Variants in TMTC1 observed in about 807,000 individuals in gnomAD.
TMTC1 encodes protein O-mannosyl-transferase TMTC1.
In TMTC1, 73 loss-of-function variants were observed where a neutral mutation model predicts 104.8. That is an observed-to-expected ratio of 0.70 (90% confidence interval 0.58 to 0.85). The LOEUF (loss-of-function observed/expected upper bound fraction) is 0.85, where lower values mean the gene tolerates loss of function less well. Ranked by LOEUF, TMTC1 falls within the 40% of genes least tolerant of loss-of-function variation. The probability of loss-of-function intolerance (pLI) is 0.00; values close to 1 mark genes in which losing one functional copy is unlikely to be tolerated. For synonymous variants in TMTC1, 434 were observed against 428.7 expected, an observed-to-expected ratio of 1.01 and a Z score of -0.15; for missense variants, 1,035 against 1,096.1, an observed-to-expected ratio of 0.94 and a Z score of 0.79.
chr12:29,597,073 G>A (rs1314986546), intron 7 of TMTC1, among the ~76,000 whole-genome samples: 1 of 152,102 alleles, frequency 6.6e-6, no homozygotes, highest in Non-Finnish European at 1.5e-5. Context: ...TGCCTCTCTT[G>A]GCAAGCCATC....
At position 29,535,788 on chromosome 12, in the gene TMTC1, C is replaced by G. The variant is rs35205102; in HGVS notation, c.1785+421G>C. Reference sequence around the variant, plus strand: ...ATAAAAACTATTCTCTTAGGAGCCTCTCTCACGAGCCTCTGTAATATTCTA... The same window carrying G: ...ATAAAAACTATTCTCTTAGGAGCCTGTCTCACGAGCCTCTGTAATATTCTA... On this transcript the variant is annotated intron_variant, in intron 11 of 17. Coordinates refer to ENST00000539277, the MANE Select transcript of TMTC1 (RefSeq NM_001193451.2). The G allele has an allele frequency of 9.2e-3, 1,563 of 169,826 alleles. 18 individuals carry two copies. Among genetic ancestry groups the G allele is most frequent in the Admixed American group, 0.036 (559 of 15,446 alleles). The allele number at this position is 169,826 out of a possible 1,614,324, so 10.5% of individuals were successfully genotyped here.
chr12:29,513,246 A>C (rs1247742412), intron 16 of TMTC1, among the ~76,000 whole-genome samples: 5 of 152,162 alleles, frequency 3.3e-5, no homozygotes, highest in African/African-American at 1.2e-4. Context: ...ATTCTTGTGA[A>C]GATTAAGTTA....
intron 14 of TMTC1, 83 bp from the exon 15 acceptor site, chr12:29,516,569 C>G (rs184394053): frequency 2.2e-4 from 310 of 1,437,402 alleles, no homozygotes; most frequent in Non-Finnish European, 2.8e-4. Context: ...GCATTCAGAA[C>G]GCACTCCTGA....
At chr12:29,616,113 G>C (rs1481657741) in intron 6 of TMTC1, among the ~76,000 whole-genome samples, 1 of 152,178 alleles carries the variant, frequency 6.6e-6, no homozygotes, top group African/African-American at 2.4e-5. Flanking sequence ...AAGCCCCCCA[G>C]TAAAGAAATA....
chr12:29,542,459 G>A (rs1191861144), intron 10 of TMTC1, among the ~76,000 whole-genome samples: 2 of 152,186 alleles, frequency 1.3e-5, no homozygotes, highest in Non-Finnish European at 2.9e-5. Flanking sequence ...ACCAGCTGAC[G>A]ACTGATAATA....
chr12:29,707,663 T>C (rs1941784827), intron 5 of TMTC1, among the ~76,000 whole-genome samples: 1 of 152,226 alleles, frequency 6.6e-6, no homozygotes, highest in South Asian at 2.1e-4. Context: ...TGGGTTGGCC[T>C]CTGCACATGT....
chr12:29,641,158 C>G (rs1938830365), intron 5 of TMTC1: 1 of 152,290 alleles, frequency 6.6e-6, no homozygotes, highest in African/African-American at 2.4e-5. Context: ...CCCTACCCAT[C>G]CTGGTAGCAA....
chr12:29,704,686 G>A (rs1402184554), intron 5 of TMTC1, among the ~76,000 whole-genome samples: 1 of 152,194 alleles, frequency 6.6e-6, no homozygotes, highest in African/African-American at 2.4e-5. Context: ...AAAAGTGGAG[G>A]AAAATGAAGC....
intron 6 of TMTC1, among the ~76,000 whole-genome samples, chr12:29,624,655 T>TC (rs1374553957): frequency 3.3e-5 from 5 of 152,188 alleles, no homozygotes; most frequent in Non-Finnish European, 7.3e-5. Context: ...CCCTTGCACT[T>TC]CCTTCATGTC....
In TMTC1 at chr12:29,565,675, C is replaced by T. The variant is rs181544258; in HGVS notation, c.1532+6430G>A. Among the ~76,000 whole-genome samples the T allele has an allele frequency of 2.6e-3, 394 of 152,128 alleles. 1 individual carries two copies. Among genetic ancestry groups the T allele is most frequent in the Admixed American group, 8.6e-3 (132 of 15,284 alleles). ...CAGCCTGGCCAACATGGTGAAACCC[C>T]GCCTCTACTAAAAATTCCAAAATTA... On this transcript the variant is annotated intron_variant, in intron 9 of 17. Coordinates refer to ENST00000539277, the MANE Select transcript of TMTC1 (RefSeq NM_001193451.2).
intron 5 of TMTC1, among the ~76,000 whole-genome samples, chr12:29,747,917 ACT>A (rs1942995545): frequency 6.6e-6 from 1 of 152,020 alleles, no homozygotes; most frequent in Non-Finnish European, 1.5e-5. Context: ...TGATTTAAAC[ACT>A]CTGTCTGCAG....
chr12:29,579,542 T>C (rs771560876), intron 8 of TMTC1, among the ~76,000 whole-genome samples: 7 of 152,196 alleles, frequency 4.6e-5, no homozygotes, highest in African/African-American at 9.7e-5. Flanking sequence ...GGTCTGTGGA[T>C]CACTTAAACA....
At chr12:29,713,220 T>C (rs559760857) in intron 5 of TMTC1, among the ~76,000 whole-genome samples, 1 of 151,864 alleles carries the variant, frequency 6.6e-6, no homozygotes, top group Admixed American at 6.6e-5. Context: ...AGCCTGCAAG[T>C]CTGCCCTGCA....
chr12:29,647,841 T>C (rs1292895242), intron 5 of TMTC1, among the ~76,000 whole-genome samples: 1 of 152,208 alleles, frequency 6.6e-6, no homozygotes, highest in African/African-American at 2.4e-5. Flanking sequence ...CTTTCTGGAT[T>C]TGAAAGACAA....
chr12:29,746,635 C>A (rs962963921), intron 5 of TMTC1, among the ~76,000 whole-genome samples: 1 of 152,170 alleles, frequency 6.6e-6, no homozygotes, highest in East Asian at 1.9e-4. Context: ...CCCATTTTAT[C>A]ATTGAAGGTC....
At chr12:29,542,523 C>T (rs1430753969) in intron 10 of TMTC1, among the ~76,000 whole-genome samples, 1 of 152,064 alleles carries the variant, frequency 6.6e-6, no homozygotes, top group Admixed American at 6.5e-5. Flanking sequence ...ATCAACACTT[C>T]TGAAATTCTG....
chr12:29,566,472 G>T (rs1945520008), intron 9 of TMTC1, among the ~76,000 whole-genome samples: 1 of 152,148 alleles, frequency 6.6e-6, no homozygotes. Flanking sequence ...CAGCGGGGCT[G>T]GTCTTGAACT....
chr12:29,712,839 G>A (rs946265257), intron 5 of TMTC1, among the ~76,000 whole-genome samples: 2 of 152,174 alleles, frequency 1.3e-5, no homozygotes, highest in Non-Finnish European at 2.9e-5. Context: ...GCTTATTGGT[G>A]ATGTCGAATC....
At position 29,506,960 on chromosome 12, in the gene TMTC1, A is replaced by G. The variant is rs1338668920; in HGVS notation, c.2535T>C (p.Tyr845=). Residue 845 remains tyrosine, a synonymous_variant, in exon 18 of 18, where the codon TAT becomes TAC. Transcript: ENST00000539277. ...IKGKYVSARA[Y]YERALQLVPD... is the part of the protein sequence containing the mutation. ...GAACCAGCTGTAAGGCTCTCTCATA[A>G]TAAGCTCTTGCAGACACATATTTTC... 2 of 1,613,866 alleles carry G rather than the reference A, an allele frequency of 1.2e-6. No individual in the cohort carries two copies. Among genetic ancestry groups the G allele is most frequent in the Non-Finnish European group, 1.7e-6 (2 of 1,179,870 alleles).
Sources: allele counts gnomAD v4.1 joint callset (sites outside exome capture counted in the v4.1 genomes callset), GRCh38; gene constraint gnomAD v4.1.1; transcripts MANE v1.5; gene names NCBI Gene and HGNC (gene_info 2026-07-23, HGNC 2026-07-21).